SLC1A1: variants seen among roughly 807,000 people sequenced by gnomAD.
SLC1A1 encodes the protein solute carrier family 1 member 1.
A neutral mutation model predicts 53.3 loss-of-function variants in SLC1A1; 43 were observed. The observed-to-expected ratio is 0.81, with a 90% CI of 0.63 to 1.04. SLC1A1 has a LOEUF of 1.04. SLC1A1 is among the 50% of genes least tolerant of loss of function. The pLI, the probability that SLC1A1 is intolerant of heterozygous loss-of-function variation, is 0.00. For missense variants in SLC1A1, 748 were observed against 664.9 expected (o/e 1.12, Z -1.37); for synonymous variants, 307 against 243.2 (o/e 1.26, Z -2.44).
chr9:4,563,763 A>G (rs554026408), intron 3 of SLC1A1, among the ~76,000 whole-genome samples: 1 of 152,148 alleles, frequency 6.6e-6, no homozygotes, highest in Non-Finnish European at 1.5e-5. Context: ...CCTTACAGAG[A>G]GATGAACCTT....
At chr9:4,575,711 T>C (rs1820481509) in intron 8 of SLC1A1, among the ~76,000 whole-genome samples, 1 of 152,162 alleles carries the variant, frequency 6.6e-6, no homozygotes, top group Non-Finnish European at 1.5e-5. Flanking sequence ...GTGGCAGGAA[T>C]AGCACACACA....
intron 2 of SLC1A1, among the ~76,000 whole-genome samples, chr9:4,560,339 G>C (rs929242121): frequency 6.6e-6 from 1 of 152,188 alleles, no homozygotes; most frequent in East Asian, 1.9e-4. Flanking sequence ...ACAGCCACAT[G>C]ACAGATTACT....
At chr9:4,585,048 G>A (rs1330940107) in intron 11 of SLC1A1, among the ~76,000 whole-genome samples, 3 of 152,068 alleles carry the variant, frequency 2.0e-5, no homozygotes, top group Non-Finnish European at 4.4e-5. Context: ...AAAATATCTG[G>A]AACGACTCTA....
chr9:4,508,645 C>T (rs1820889323), intron 1 of SLC1A1, among the ~76,000 whole-genome samples: 1 of 152,184 alleles, frequency 6.6e-6, no homozygotes, highest in South Asian at 2.1e-4. Context: ...GGTTCGATGG[C>T]CCTGAGACAA....
chr9:4,527,861 C>G (rs1056595627), intron 1 of SLC1A1, among the ~76,000 whole-genome samples: 2 of 152,062 alleles, frequency 1.3e-5, no homozygotes, highest in African/African-American at 4.8e-5. Flanking sequence ...GGCATCTCAA[C>G]TTGAACTTTA....
In SLC1A1 at chr9:4,505,008, G is replaced by A. The variant is rs557353570; in HGVS notation, c.91+14238G>A. Among the ~76,000 whole-genome samples the A allele has an allele frequency of 1.4e-3, 207 of 150,032 alleles. 1 individual carries two copies. The highest frequency in any genetic ancestry group is 4.8e-3 in the African/African-American group (198 of 40,884). On this transcript the variant is annotated intron_variant, in intron 1 of 11. Coordinates refer to ENST00000262352, the MANE Select transcript of SLC1A1 (RefSeq NM_004170.6). ...CTCGGTTTGGATTAGGTGGAGTTTCGTGTGTGCGATGTGGGGGTGTATGTG... is the reference window on the plus strand; with the variant it reads ...CTCGGTTTGGATTAGGTGGAGTTTCATGTGTGCGATGTGGGGGTGTATGTG...
At chr9:4,532,646 A>T (rs1264958963) in intron 1 of SLC1A1, among the ~76,000 whole-genome samples, 3 of 152,206 alleles carry the variant, frequency 2.0e-5, no homozygotes, top group African/African-American at 7.2e-5. Flanking sequence ...TCTGCAGAAT[A>T]TTATCCAGGA....
intron 1 of SLC1A1, among the ~76,000 whole-genome samples, chr9:4,498,336 G>T (rs1820512221): frequency 6.6e-6 from 1 of 151,960 alleles, no homozygotes; most frequent in East Asian, 1.9e-4. Context: ...ATTATTAGAT[G>T]GTTTATTACA....
At chr9:4,491,412 G>A (rs916695175) in intron 1 of SLC1A1, among the ~76,000 whole-genome samples, 1 of 152,220 alleles carries the variant, frequency 6.6e-6, no homozygotes, top group Non-Finnish European at 1.5e-5. Context: ...CCCGCGGGAG[G>A]TCACCGGGGA....
intron 1 of SLC1A1, among the ~76,000 whole-genome samples, chr9:4,539,979 G>T (rs892585486): frequency 1.8e-4 from 28 of 152,208 alleles, no homozygotes; most frequent in African/African-American, 6.5e-4. Flanking sequence ...TCACTCTGAA[G>T]CCTGGACCCA....
intron 1 of SLC1A1, among the ~76,000 whole-genome samples, chr9:4,507,039 G>A (rs1820831133): frequency 6.6e-6 from 1 of 152,078 alleles, no homozygotes; most frequent in Non-Finnish European, 1.5e-5. Context: ...AGACCATCCT[G>A]GATAACATGG....
chr9:4,525,435 A>T (rs963192850), intron 1 of SLC1A1, among the ~76,000 whole-genome samples: 3 of 152,168 alleles, frequency 2.0e-5, no homozygotes, highest in African/African-American at 7.2e-5. Flanking sequence ...CTGTAGGTAG[A>T]CTTTCACAAC....
intron 1 of SLC1A1, among the ~76,000 whole-genome samples, chr9:4,513,985 G>C (rs1378330078): frequency 6.6e-6 from 1 of 152,150 alleles, no homozygotes; most frequent in Non-Finnish European, 1.5e-5. Flanking sequence ...GCCTCAAAAA[G>C]ACAAAACCAT....
chr9:4,532,003 T>G (rs1432435339), intron 1 of SLC1A1, among the ~76,000 whole-genome samples: 1 of 151,996 alleles, frequency 6.6e-6, no homozygotes, highest in East Asian at 1.9e-4. Flanking sequence ...GTCCTGACCG[T>G]TAGAAGGAAA....
At chr9:4,541,514 A>C (rs1763290167) in intron 1 of SLC1A1, among the ~76,000 whole-genome samples, 1 of 152,210 alleles carries the variant, frequency 6.6e-6, no homozygotes, top group Non-Finnish European at 1.5e-5. Context: ...TGTGTGAAAG[A>C]GGAAAGAGGG....
rs374050109 is a variant in SLC1A1 at position 4,527,117 on chromosome 9, A to T, written c.92-17450A>T. Among the ~76,000 whole-genome samples, 334 of 152,296 alleles carry T rather than the reference A, an allele frequency of 2.2e-3. 1 individual carries two copies. The highest frequency in any genetic ancestry group is 7.4e-3 in the African/African-American group (307 of 41,578). On this transcript the variant is annotated intron_variant, in intron 1 of 11. Coordinates refer to ENST00000262352, the MANE Select transcript of SLC1A1 (RefSeq NM_004170.6). Reference sequence around the variant, plus strand: ...AGAGGGCCACATGGCAAGGAACAGTAGGACTTGCAGGAGCCGAGAGGAGCC... The same window carrying T: ...AGAGGGCCACATGGCAAGGAACAGTTGGACTTGCAGGAGCCGAGAGGAGCC...
At chr9:4,577,744 G>C (rs938002861) in intron 10 of SLC1A1, among the ~76,000 whole-genome samples, 2 of 152,148 alleles carry the variant, frequency 1.3e-5, no homozygotes, top group African/African-American at 4.8e-5. Flanking sequence ...CAAAGTGCCG[G>C]GATTATAGGT....
At chr9:4,516,603 C>G (rs569028710) in intron 1 of SLC1A1, among the ~76,000 whole-genome samples, 8 of 152,332 alleles carry the variant, frequency 5.3e-5, no homozygotes, top group African/African-American at 1.9e-4. Context: ...GCTTCACTTT[C>G]CTGCCTATAA....
At chr9:4,573,421 T>C (rs999080858) in intron 7 of SLC1A1, among the ~76,000 whole-genome samples, 1 of 152,158 alleles carries the variant, frequency 6.6e-6, no homozygotes, top group African/African-American at 2.4e-5. Flanking sequence ...GTAAAATACT[T>C]TCCCTCATGC....
Sources: allele counts gnomAD v4.1 joint callset (sites outside exome capture counted in the v4.1 genomes callset), GRCh38; gene constraint gnomAD v4.1.1; transcripts MANE v1.5; gene names NCBI Gene and HGNC (gene_info 2026-07-23, HGNC 2026-07-21).